Variants in ATP5F1C observed in about 807,000 individuals in gnomAD.
ATP5F1C encodes ATP synthase F1 subunit gamma.
A neutral mutation model predicts 37.4 loss-of-function variants in ATP5F1C; 22 were observed. The observed-to-expected ratio is 0.59, with a 90% CI of 0.42 to 0.84. ATP5F1C has a LOEUF of 0.84. ATP5F1C is among the 40% of genes least tolerant of loss of function. The pLI is 0.00. For synonymous variants in ATP5F1C, 121 were observed against 128.0 expected (o/e 0.95, Z 0.37); for missense variants, 286 against 362.4 (o/e 0.79, Z 1.71).
intron 1 of ATP5F1C, among the ~76,000 whole-genome samples, chr10:7,791,695 C>A (rs1836167270): frequency 1.3e-5 from 2 of 152,260 alleles, no homozygotes; most frequent in Non-Finnish European, 2.9e-5. Context: ...TCCTCATTTG[C>A]AAAACTTTTA....
chr10:7,798,781 T>C (rs765808527), intron 3 of ATP5F1C, among the ~76,000 whole-genome samples: 4 of 152,194 alleles, frequency 2.6e-5, no homozygotes, highest in Non-Finnish European at 4.4e-5. Context: ...TCCGCCCACC[T>C]CGGCCTCCCA....
Position 7,797,138 on chromosome 10 carries a change from A to C in ATP5F1C, c.183A>C (p.Arg61Ser), listed in dbSNP as rs199591260. The C allele has an allele frequency of 5.0e-6, 8 of 1,614,176 alleles. No individual in the cohort carries two copies. Among genetic ancestry groups the C allele is most frequent in the Non-Finnish European group, 6.8e-6 (8 of 1,180,034 alleles). ...CAGCAAAATATGCCCGAGCTGAGAG[A>C]GAGCTGAAACCAGCTCGAATATATG... ...VAAAKYARAE[R>S]ELKPARIYGL... The change falls in exon 3 of 10, where the codon AGA becomes AGC. Residue 61 changes from arginine (R) to serine (S), a missense_variant. Transcript: ENST00000356708.
intron 1 of ATP5F1C, among the ~76,000 whole-genome samples, chr10:7,795,245 G>A (rs1462835742): frequency 2.6e-5 from 4 of 152,044 alleles, no homozygotes; most frequent in Non-Finnish European, 5.9e-5. Context: ...CTCTTAAAAT[G>A]ACATTCTGTT....
intron 1 of ATP5F1C, among the ~76,000 whole-genome samples, chr10:7,792,306 G>A (rs868576389): frequency 9.2e-5 from 14 of 152,260 alleles, no homozygotes; most frequent in Non-Finnish European, 1.6e-4. Flanking sequence ...AATCACCTGA[G>A]CCCAGGAAGT....
chr10:7,791,568 A>G (rs961787304), intron 1 of ATP5F1C, among the ~76,000 whole-genome samples: 1 of 152,200 alleles, frequency 6.6e-6, no homozygotes, highest in Non-Finnish European at 1.5e-5. Flanking sequence ...CAGCTGTTAT[A>G]ACAGCGCTGT....
At chr10:7,803,025 G>C (rs1801514729) in intron 8 of ATP5F1C, among the ~76,000 whole-genome samples, 171 bp downstream of exon 8, 2 of 152,114 alleles carry the variant, frequency 1.3e-5, no homozygotes, top group South Asian at 2.1e-4. Flanking sequence ...GGACCTCTTT[G>C]CTTTATTTTT....
At chr10:7,795,511 T>A (rs536016677) in intron 1 of ATP5F1C, among the ~76,000 whole-genome samples, 1 of 152,330 alleles carries the variant, frequency 6.6e-6, no homozygotes, top group Non-Finnish European at 1.5e-5. Flanking sequence ...TGAAAAAAAA[T>A]ACTAAATGTT....
chr10:7,802,710 C>G (rs1185490850), intron 7 of ATP5F1C, 48 bp from the exon 8 acceptor site: 2 of 1,558,828 alleles, frequency 1.3e-6, no homozygotes, highest in African/African-American at 2.7e-5. Context: ...ACAAGTTATT[C>G]TACTCTAGTT....
intron 4 of ATP5F1C, 121 bp from the exon 5 acceptor site, chr10:7,799,651 C>T: frequency 1.7e-6 from 2 of 1,153,042 alleles, no homozygotes; most frequent in Non-Finnish European, 2.4e-6. Flanking sequence ...CAGGAAATCA[C>T]CACCACCCAT....
Position 7,802,890 on chromosome 10 carries a change from T to G in ATP5F1C, c.890+36T>G, listed in dbSNP as rs932242087. 3 of 1,581,080 alleles carry G rather than the reference T, an allele frequency of 1.9e-6. No homozygotes were observed. The African/African-American group carries it at 4.1e-5, about 21-fold the overall frequency. On this transcript the variant is annotated intron_variant, in intron 8 of 9. Transcript: ENST00000356708. ...GTAGATTGTCGCCTTCAGAGAATTTTTTTTCCTCTTGCTGTGTCTGCTTGT... is the reference window on the plus strand; with the variant it reads ...GTAGATTGTCGCCTTCAGAGAATTTGTTTTCCTCTTGCTGTGTCTGCTTGT...
In ATP5F1C at chr10:7,806,975, G is replaced by A. The variant is rs765141014; in HGVS notation, c.892G>A (p.Asp298Asn). The A allele has an allele frequency of 6.2e-7, 1 of 1,611,314 alleles. No individual in the cohort carries two copies. Among genetic ancestry groups the A allele is most frequent in the South Asian group, 1.1e-5 (1 of 91,022 alleles). ...IEIISGAAAL[D>N] ...TTTTTCTTCTAATATAATAACCAGG[G>A]ATTAATGAAAATCAAGTTCCATCCT... Residue 298 changes from aspartate (D) to asparagine (N), a missense_variant and splice_region_variant, in exon 9 of 10, where the codon GAT (aspartate) becomes AAT (asparagine). Coordinates refer to ENST00000356708, the MANE Select transcript of ATP5F1C (RefSeq NM_001001973.3).
At chr10:7,795,779 T>G (rs1312122019) in intron 1 of ATP5F1C, among the ~76,000 whole-genome samples, 1 of 152,140 alleles carries the variant, frequency 6.6e-6, no homozygotes, top group Non-Finnish European at 1.5e-5. Context: ...CGAAGTATAG[T>G]TGGGCAGCTT....
At chr10:7,806,666 AAAC>A (rs1836488651) in intron 8 of ATP5F1C, among the ~76,000 whole-genome samples, 1 of 152,090 alleles carries the variant, frequency 6.6e-6, no homozygotes, top group African/African-American at 2.4e-5. Flanking sequence ...AAAAAAAAAA[AAAC>A]CTCTAAATAT....
chr10:7,798,703 A>G (rs949335080), intron 3 of ATP5F1C, among the ~76,000 whole-genome samples: 55 of 151,938 alleles, frequency 3.6e-4, no homozygotes, highest in African/African-American at 1.2e-3. Flanking sequence ...GCCAATTTTT[A>G]TATTTTTAAT....
intron 1 of ATP5F1C, among the ~76,000 whole-genome samples, chr10:7,790,391 C>CT (rs3839917): frequency 5.3e-5 from 8 of 151,730 alleles, no homozygotes; most frequent in Admixed American, 5.3e-4. Flanking sequence ...AAAATTAAAC[C>CT]TTTTTTTTAA....
intron 1 of ATP5F1C, among the ~76,000 whole-genome samples, chr10:7,792,650 C>CTTAA (rs1343741025): frequency 6.6e-6 from 1 of 152,156 alleles, no homozygotes; most frequent in Non-Finnish European, 1.5e-5. Context: ...GCAGTATGCA[C>CTTAA]TTAAGGTTTC....
In ATP5F1C at chr10:7,796,141, C is replaced by T; in HGVS notation, c.77C>T (p.Ala26Val). 1 of 1,586,700 alleles carries T rather than the reference C, an allele frequency of 6.3e-7. No homozygotes were observed. The highest frequency in any genetic ancestry group is 8.5e-7 in the Non-Finnish European group (1 of 1,171,126). ...CTCAGGATTCAAGTTCGAAATATGG[C>T]AACTTTGAAAGATAGTAAGTATGTT... Reference protein sequence around the residue: ...QPQWIQVRNMATLKDITRRLK... With the variant: ...QPQWIQVRNMVTLKDITRRLK... Residue 26 changes from alanine (A) to valine (V), a missense_variant, in exon 2 of 10, where the codon GCA becomes GTA. By Grantham distance (64) the Ala-to-Val change is moderately conservative. Coordinates refer to ENST00000356708, the MANE Select transcript of ATP5F1C (RefSeq NM_001001973.3).
At chr10:7,794,500 G>GTTT (rs56239627) in intron 1 of ATP5F1C, among the ~76,000 whole-genome samples, 4 of 146,626 alleles carry the variant, frequency 2.7e-5, no homozygotes, top group Admixed American at 6.8e-5. Flanking sequence ...TTTGTGTGTT[G>GTTT]TTTTTTTTTT....
At chr10:7,796,042 T>C (rs1451969118) in intron 1 of ATP5F1C, 79 bp from the exon 2 acceptor site, 15 of 1,055,882 alleles carry the variant, frequency 1.4e-5, no homozygotes, top group Admixed American at 1.2e-4. Flanking sequence ...TAAATAAATA[T>C]ATATTAACTG....
Sources: allele counts gnomAD v4.1 joint callset (sites outside exome capture counted in the v4.1 genomes callset), GRCh38; gene constraint gnomAD v4.1.1; transcripts MANE v1.5; gene names NCBI Gene and HGNC (gene_info 2026-07-23, HGNC 2026-07-21).